The following DUSP8 variants were observed in gnomAD, a reference collection of about 807,000 sequenced individuals.
DUSP8 encodes the protein dual specificity protein phosphatase 8.
Under a neutral mutation model 38.7 loss-of-function variants are expected in DUSP8, and 15 were observed. The observed-to-expected ratio is 0.39, with a 90% CI of 0.26 to 0.60. The LOEUF (loss-of-function observed/expected upper bound fraction) is 0.60. Among genes scored for constraint, DUSP8 ranks in the 20% least tolerant of loss-of-function variants. DUSP8 has a pLI of 0.56. For missense variants in DUSP8, 768 were observed against 915.0 expected (o/e 0.84, Z 2.07); for synonymous variants, 458 against 433.9 (o/e 1.06, Z -0.69).
Position 1,562,687 on chromosome 11 carries a change from ACATG to A in DUSP8, c.370+1160_370+1163del, listed in dbSNP as rs547783730. Among the ~76,000 whole-genome samples the A allele has an allele frequency of 6.3e-3, 685 of 108,124 alleles. 6 individuals are homozygous for A. The highest frequency in any genetic ancestry group is 0.023 in the African/African-American group (659 of 29,232). The allele number at this position is 108,124 out of a possible 152,430, so 70.9% of individuals were successfully genotyped here. On this transcript the variant is annotated intron_variant, in intron 3 of 6. Transcript: ENST00000397374. The stretch of plus-strand genomic sequence containing the variant: ...TACATGCACACACATACATGCATGC[ACATG>A]CACACACACACATACATGCACACAC...
chr11:1,557,445 C>G lies in DUSP8; in HGVS notation c.951G>C (p.Pro317=). Residue 317 remains proline (P), a synonymous_variant, in exon 7 of 7, where the codon CCG becomes CCC. Transcript: ENST00000397374. The surrounding 1 kb of genome is among the most constrained non-coding windows in gnomAD (Gnocchi z 9.9). Reference sequence around the variant, plus strand: ...CGGCGGCAGGACTGGGCGGAGGCTCCGGCGTCCCTGAGGGGGTGCCCGGGT... The same window carrying G: ...CGGCGGCAGGACTGGGCGGAGGCTCGGGCGTCCCTGAGGGGGTGCCCGGGT... ...QGDPGTPSGT[P]EPPPSPAAGA... 1 of 1,562,438 alleles carries G rather than the reference C, an allele frequency of 6.4e-7. No individual in the cohort carries two copies. Among genetic ancestry groups the G allele is most frequent in the South Asian group, 1.2e-5 (1 of 85,844 alleles).
chr11:1,572,293 G>C (rs989706144), upstream of DUSP8, among the ~76,000 whole-genome samples: 2 of 149,414 alleles, frequency 1.3e-5, no homozygotes, highest in African/African-American at 2.4e-5. The surrounding 1 kb of genome is among the most constrained non-coding windows in gnomAD (Gnocchi z 4.7). Context: ...GGCGGAGGGC[G>C]GGGCCGCCGG....
chr11:1,570,548 T>C (rs1471990942), intron 1 of DUSP8, among the ~76,000 whole-genome samples: 1 of 152,162 alleles, frequency 6.6e-6, no homozygotes, highest in African/African-American at 2.4e-5. Context: ...TCTAAGCGTC[T>C]TTCTGCACCT....
At chr11:1,566,218 C>T (rs974038609) in intron 1 of DUSP8, among the ~76,000 whole-genome samples, 10 of 152,110 alleles carry the variant, frequency 6.6e-5, no homozygotes, top group Admixed American at 6.5e-4. Flanking sequence ...GACCCTTAGG[C>T]ATTCCAGAAC....
chr11:1,566,838 C>T (rs905355254), intron 1 of DUSP8, among the ~76,000 whole-genome samples: 10 of 152,040 alleles, frequency 6.6e-5, no homozygotes, highest in African/African-American at 1.7e-4. Flanking sequence ...CTCAGACTGC[C>T]GGGTGGGCAG....
At chr11:1,565,547 C>A in intron 2 of DUSP8, 49 bp downstream of exon 2, 1 of 1,471,606 alleles carries the variant, frequency 6.8e-7, no homozygotes, top group Non-Finnish European at 9.3e-7. Context: ...GGCCCCTTAG[C>A]TGTGGACCCT....
Position 1,556,695 on chromosome 11 carries a change from C to A in DUSP8, c.1701G>T (p.Arg567=). Residue 567 remains arginine (R), a synonymous_variant, in exon 7 of 7, where the codon CGG becomes CGT. Coordinates refer to ENST00000397374, the MANE Select transcript of DUSP8 (RefSeq NM_004420.3). This position sits in a 1 kb window ranked among gnomAD's most constrained non-coding sequence, Gnocchi z 5.2. ...RRREAARAEP[R]DARTGWPEEP... ...CCTCGGGCCAGCCGGTCCGCGCGTCCCGGGGCTCAGCCCTCGCTGCCTCCC... is the reference window on the plus strand; with the variant it reads ...CCTCGGGCCAGCCGGTCCGCGCGTCACGGGGCTCAGCCCTCGCTGCCTCCC... 1.6e-6 allele frequency: 2 copies of A among 1,287,852 alleles called. No homozygotes were observed. Among genetic ancestry groups the A allele is most frequent in the Non-Finnish European group, 2.0e-6 (2 of 1,017,004 alleles). 79.8% of individuals were successfully genotyped at this position (1,287,852 alleles called of 1,614,324 possible).
chr11:1,562,463 G>T (rs749294083), intron 3 of DUSP8, among the ~76,000 whole-genome samples: 9 of 152,178 alleles, frequency 5.9e-5, no homozygotes, highest in Non-Finnish European at 1.3e-4. Context: ...AACAGGGTTG[G>T]ATCAGAGTGC....
At chr11:1,571,402 A>G (rs1295707483) in intron 1 of DUSP8, 6 of 152,248 alleles carry the variant, frequency 3.9e-5, no homozygotes, top group African/African-American at 1.2e-4. Flanking sequence ...CCCCCCCGAC[A>G]GGGGAAGGCC....
At position 1,564,157 on chromosome 11, in the gene DUSP8, T is replaced by C. The variant is rs1401657452; in HGVS notation, c.232-168A>G. On this transcript the variant is annotated intron_variant, in intron 2 of 6. Coordinates refer to ENST00000397374, the MANE Select transcript of DUSP8 (RefSeq NM_004420.3). ...GGGCAGGTGCAGTCACACACTCTCC[T>C]CCATCTGCCAGAGGCCCAGATGCAC... Among the ~76,000 whole-genome samples the C allele has an allele frequency of 2.0e-5, 3 of 152,250 alleles. No homozygotes were observed. In the East Asian group the frequency reaches 5.8e-4, roughly 30 times the overall value.
Position 1,555,383 on chromosome 11 carries a change from C to CT in DUSP8, c.*1134dup, listed in dbSNP as rs1365995651. Reference sequence around the variant, plus strand: ...CAGGCCTATCCCAGCAGCACAGGGGCTTGGCTGGCGCCTGAACTCCCTGTG... The same window carrying CT: ...CAGGCCTATCCCAGCAGCACAGGGGCTTTGGCTGGCGCCTGAACTCCCTGTG... On this transcript the variant is annotated 3_prime_UTR_variant, in exon 7 of 7. Coordinates refer to ENST00000397374, the MANE Select transcript of DUSP8 (RefSeq NM_004420.3). The CT allele has an allele frequency of 1.0e-6, 1 of 987,214 alleles. No individual in the cohort carries two copies. Among genetic ancestry groups the CT allele is most frequent in the Non-Finnish European group, 1.2e-6 (1 of 830,140 alleles). 61.2% of individuals were successfully genotyped at this position (987,214 alleles called of 1,614,324 possible).
At position 1,563,902 on chromosome 11, in the gene DUSP8, T is replaced by C; in HGVS notation, c.319A>G (p.Ile107Val). ...SVLAADSFLSILLSKLDGCFD... is the reference protein window; with the variant it reads ...SVLAADSFLSVLLSKLDGCFD... ...CAGCCGTCCAGCTTGCTCAGCAGGA[T>C]GGAGAGGAAGCTGTCTGCGGCCAGC... Residue 107 changes from isoleucine (I) to valine (V), a missense_variant, in exon 3 of 7, where the codon ATC becomes GTC. Coordinates refer to ENST00000397374, the MANE Select transcript of DUSP8 (RefSeq NM_004420.3). 6.4e-7 allele frequency: 1 copy of C among 1,552,238 alleles called. No individual in the cohort carries two copies. Among genetic ancestry groups the C allele is most frequent in the Non-Finnish European group, 8.7e-7 (1 of 1,147,836 alleles).
chr11:1,557,457 G>T lies in DUSP8; in HGVS notation c.939C>A (p.Pro313=). ...LAALQGDPGT[P]SGTPEPPPSP... ...TGGGCGGAGGCTCCGGCGTCCCTGA[G>T]GGGGTGCCCGGGTCGCCCTGCAGGG... Residue 313 remains proline (P), a synonymous_variant, in exon 7 of 7, where the codon CCC becomes CCA. Coordinates refer to ENST00000397374, the MANE Select transcript of DUSP8 (RefSeq NM_004420.3). This position sits in a 1 kb window ranked among gnomAD's most constrained non-coding sequence, Gnocchi z 9.9. The T allele has an allele frequency of 6.4e-7, 1 of 1,562,640 alleles. No individual in the cohort carries two copies. Among genetic ancestry groups the T allele is most frequent in the Admixed American group, 1.9e-5 (1 of 53,028 alleles).
chr11:1,559,148 T>C, intron 3 of DUSP8, 93 bp from the exon 4 acceptor site: 1 of 1,290,288 alleles, frequency 7.8e-7, no homozygotes, highest in Non-Finnish European at 1.1e-6. Flanking sequence ...CCCCATCTAC[T>C]GCTGAGGATC....
intron 3 of DUSP8, among the ~76,000 whole-genome samples, chr11:1,561,140 G>C (rs2133437454): frequency 6.6e-6 from 1 of 152,246 alleles, no homozygotes; most frequent in East Asian, 1.9e-4. Context: ...TTGGGGTTCA[G>C]TGGACCCTTT....
intron 1 of DUSP8, among the ~76,000 whole-genome samples, chr11:1,569,753 C>T (rs1259043811): frequency 6.6e-6 from 1 of 152,216 alleles, no homozygotes; most frequent in Non-Finnish European, 1.5e-5. Context: ...GACTCACTAC[C>T]TTCAGAGACA....
Position 1,565,360 on chromosome 11 carries a change from G to A in DUSP8, c.231+236C>T, listed in dbSNP as rs554846500. 2.0e-5 allele frequency among the ~76,000 whole-genome samples: 3 copies of A among 152,348 alleles called. No individual in the cohort carries two copies. The South Asian group carries it at 6.2e-4, about 32-fold the overall frequency. Reference sequence around the variant, plus strand: ...GCAGAAGCTGAGCAAGGAGGCCCTGGAGGGAGGGTAGGGAAGGGTGCTGCG... The same window carrying A: ...GCAGAAGCTGAGCAAGGAGGCCCTGAAGGGAGGGTAGGGAAGGGTGCTGCG... On this transcript the variant is annotated intron_variant, in intron 2 of 6. Coordinates refer to ENST00000397374, the MANE Select transcript of DUSP8 (RefSeq NM_004420.3).
chr11:1,572,492 C>T (rs1389249608), upstream of DUSP8, among the ~76,000 whole-genome samples: 1 of 151,568 alleles, frequency 6.6e-6, no homozygotes, highest in Non-Finnish European at 1.5e-5. The surrounding 1 kb of genome is among the most constrained non-coding windows in gnomAD (Gnocchi z 4.7). Flanking sequence ...GCCCTCACCC[C>T]GGGACCGGCT....
Position 1,557,617 on chromosome 11 carries a change from G to C in DUSP8, c.822-43C>G. 3.3e-6 allele frequency: 5 copies of C among 1,496,860 alleles called. No individual in the cohort carries two copies. The highest frequency in any genetic ancestry group is 4.4e-6 in the Non-Finnish European group (5 of 1,127,164). 92.7% of individuals were successfully genotyped at this position (1,496,860 alleles called of 1,614,324 possible). On this transcript the variant is annotated intron_variant, in intron 6 of 6. Transcript: ENST00000397374. This position sits in a 1 kb window ranked among gnomAD's most constrained non-coding sequence, Gnocchi z 9.9. Reference sequence around the variant, plus strand: ...CAGTCCCAGGCGCCCGCCGGGGCCAGGCTGCCCACCTGACGCACCCGCTGG... The same window carrying C: ...CAGTCCCAGGCGCCCGCCGGGGCCACGCTGCCCACCTGACGCACCCGCTGG...
Sources: allele counts gnomAD v4.1 joint callset (sites outside exome capture counted in the v4.1 genomes callset), GRCh38; gene constraint gnomAD v4.1.1; non-coding constraint Gnocchi (gnomAD v3.1); transcripts MANE v1.5; gene names NCBI Gene and HGNC (gene_info 2026-07-23, HGNC 2026-07-21).